MICAL3: variants seen among roughly 807,000 people sequenced by gnomAD.
The protein encoded by MICAL3 is microtubule associated monooxygenase, calponin and LIM domain containing 3.
In MICAL3, 62 loss-of-function variants were observed where a neutral mutation model predicts 207.4. The ratio of observed to expected loss-of-function variants is 0.30; its 90% CI spans 0.24 to 0.37. The LOEUF is 0.37. Among genes scored for constraint, MICAL3 ranks in the 10% least tolerant of loss-of-function variants. MICAL3 has a pLI of 1.00. For missense variants in MICAL3, 2,368 were observed against 2,635.6 expected, an observed-to-expected ratio of 0.90 and a Z score of 2.22; for synonymous variants, 1,077 against 1,069.3, an observed-to-expected ratio of 1.01 and a Z score of -0.14.
chr22:17,992,352 T>A (rs865849550), intron 1 of MICAL3, among the ~76,000 whole-genome samples: 1 of 152,226 alleles, frequency 6.6e-6, no homozygotes, highest in East Asian at 1.9e-4. Flanking sequence ...CTCAATCTTA[T>A]GTGCAAGAAA....
chr22:17,904,935 G>A (rs1358878088), intron 2 of MICAL3, 96 bp from the exon 3 acceptor site: 10 of 902,066 alleles, frequency 1.1e-5, no homozygotes, highest in East Asian at 2.6e-5. Flanking sequence ...CTAAAGCCCC[G>A]AAATAGGGCT....
intron 19 of MICAL3, chr22:17,863,729 T>C: frequency 1.0e-6 from 1 of 985,312 alleles, no homozygotes; most frequent in East Asian, 1.1e-4. Flanking sequence ...TCTCCCAGAA[T>C]GAGCACCACA....
chr22:17,898,098 CT>C (rs1321620831), intron 7 of MICAL3, among the ~76,000 whole-genome samples: 1 of 117,094 alleles, frequency 8.5e-6, no homozygotes, highest in Non-Finnish European at 1.7e-5. Flanking sequence ...GGCATGGCCC[CT>C]GCCCTCTTAA....
chr22:18,016,511 A>G (rs1314413774), intron 1 of MICAL3, among the ~76,000 whole-genome samples: 1 of 147,616 alleles, frequency 6.8e-6, no homozygotes, highest in East Asian at 1.9e-4. Context: ...TTGTAGTCAC[A>G]TTCTCCCTCC....
chr22:17,877,882 T>C (rs1929025783), intron 16 of MICAL3, among the ~76,000 whole-genome samples: 2 of 152,048 alleles, frequency 1.3e-5, no homozygotes, highest in Non-Finnish European at 2.9e-5. Flanking sequence ...TCTGTCGCCC[T>C]GGCTCTGTCG....
chr22:17,872,145 A>C (rs776931330), intron 16 of MICAL3, 122 bp from the exon 17 acceptor site: 7 of 788,462 alleles, frequency 8.9e-6, no homozygotes, highest in Non-Finnish European at 1.4e-5. Context: ...TTTGAGACAG[A>C]CTTCTAACTG....
intron 22 of MICAL3, among the ~76,000 whole-genome samples, chr22:17,826,851 T>C (rs1315980735): frequency 6.6e-6 from 1 of 151,606 alleles, no homozygotes; most frequent in Non-Finnish European, 1.5e-5. Context: ...CAAGTGAAGA[T>C]TTGGGGCCAG....
intron 3 of MICAL3, among the ~76,000 whole-genome samples, chr22:17,903,177 C>T (rs1202596747): frequency 2.6e-5 from 4 of 152,228 alleles, no homozygotes; most frequent in Non-Finnish European, 5.9e-5. Context: ...CGCCCACAGG[C>T]GTCTTTCAGC....
chr22:17,858,003 G>A (rs1215035892), intron 19 of MICAL3, among the ~76,000 whole-genome samples: 1 of 152,190 alleles, frequency 6.6e-6, no homozygotes, highest in Admixed American at 6.5e-5. Context: ...TTCAGAAAGT[G>A]TTCATAAACT....
chr22:17,795,388 C>T (rs775333845), intron 29 of MICAL3, among the ~76,000 whole-genome samples: 2 of 152,216 alleles, frequency 1.3e-5, no homozygotes, highest in Non-Finnish European at 2.9e-5. Context: ...GGTGAATAGG[C>T]CATGCTGTGG....
intron 25 of MICAL3, 64 bp downstream of exon 25, chr22:17,821,363 G>A: frequency 1.4e-6 from 2 of 1,407,376 alleles, no homozygotes; most frequent in Non-Finnish European, 1.9e-6. Context: ...AAACAGAGAA[G>A]TTAATATGTG....
At chr22:17,876,603 C>T (rs1158609746) in intron 16 of MICAL3, 2 of 152,616 alleles carry the variant, frequency 1.3e-5, no homozygotes, top group Non-Finnish European at 2.9e-5. Context: ...ACTCAGTAGC[C>T]CCCTGGGGGG....
chr22:18,002,994 A>G lies in MICAL3; in HGVS notation c.-75+21287T>C, dbSNP rs147876121. Among the ~76,000 whole-genome samples, 1,125 of 152,050 alleles carry G rather than the reference A, an allele frequency of 7.4e-3. 18 individuals are homozygous for G. Among genetic ancestry groups the G allele is most frequent in the African/African-American group, 0.023 (971 of 41,476 alleles). On this transcript the variant is annotated intron_variant, in intron 1 of 31. Transcript: ENST00000441493. The stretch of plus-strand genomic sequence containing the variant: ...ACACGGTGAAACCCCATCTCTACTA[A>G]AGATACAAAAACAAAATTAGCTGGG...
Position 17,804,720 on chromosome 22 carries a change from C to T in MICAL3, c.5650+4124G>A, listed in dbSNP as rs142825162. On this transcript the variant is annotated intron_variant, in intron 29 of 31. Transcript: ENST00000441493. ...AAGACACACAGAGCACAGCACTCGG[C>T]CGCCATGGTGTTGCCCTCTCTCCAA... Among the ~76,000 whole-genome samples the T allele has an allele frequency of 8.6e-3, 1,307 of 152,308 alleles. 10 individuals are homozygous for T. The highest frequency in any genetic ancestry group is 0.027 in the Middle Eastern group (8 of 294).
intron 1 of MICAL3, among the ~76,000 whole-genome samples, chr22:17,984,087 T>G (rs403508): frequency 0.6 from 90,748 of 152,016 alleles, 27,740 homozygotes; most frequent in African/African-American, 0.73. Flanking sequence ...CCTCACCTTA[T>G]CGTCAAAGTT....
At chr22:17,810,198 G>A (rs577579696) in intron 28 of MICAL3, among the ~76,000 whole-genome samples, 1 of 152,084 alleles carries the variant, frequency 6.6e-6, no homozygotes, top group East Asian at 1.9e-4. Flanking sequence ...GAGTAGCTGG[G>A]ACTACAGGCA....
Position 17,994,230 on chromosome 22 carries a change from G to A in MICAL3, c.-75+30051C>T, listed in dbSNP as rs555470204. On this transcript the variant is annotated intron_variant, in intron 1 of 31. Transcript: ENST00000441493. ...TGTTGGTGGAGGAGGGAGGAATATG[G>A]CTAGAACCTCTGTAAGCTGACTTTC... Among the ~76,000 whole-genome samples the A allele has an allele frequency of 5.3e-5, 8 of 152,336 alleles. 1 individual carries two copies. The highest frequency in any genetic ancestry group is 1.9e-4 in the African/African-American group (8 of 41,576).
chr22:18,002,271 A>G (rs909855837), intron 1 of MICAL3, among the ~76,000 whole-genome samples: 1 of 152,214 alleles, frequency 6.6e-6, no homozygotes, highest in South Asian at 2.1e-4. Context: ...TAGGATTTTC[A>G]TTCTAGTTGG....
intron 19 of MICAL3, among the ~76,000 whole-genome samples, chr22:17,844,953 T>C (rs1477864462): frequency 1.3e-5 from 2 of 152,144 alleles, no homozygotes; most frequent in East Asian, 3.9e-4. Context: ...CAAATACCAG[T>C]CTTCCCATCC....
Sources: gnomAD v4.1 joint callset for allele counts (sites outside exome capture counted in the v4.1 genomes callset) on GRCh38, gnomAD v4.1.1 for gene constraint, MANE v1.5 for transcripts, NCBI Gene and HGNC (gene_info 2026-07-23, HGNC 2026-07-21) for gene names.